Variants in POU2F1 observed in about 807,000 individuals in gnomAD.
POU2F1 encodes POU class 2 homeobox 1.
In POU2F1, 16 loss-of-function variants were observed where a neutral mutation model predicts 84.9. The observed-to-expected ratio is 0.19, with a 90% CI of 0.13 to 0.29. The LOEUF is 0.29. POU2F1 is among the 10% of genes least tolerant of loss of function. The pLI is 1.00. For missense variants in POU2F1, 738 were observed against 942.6 expected, an observed-to-expected ratio of 0.78 and a Z score of 2.84; for synonymous variants, 368 against 368.3, an observed-to-expected ratio of 1.00 and a Z score of 0.01.
At chr1:167,344,160 G>A (rs570023408) in intron 2 of POU2F1, among the ~76,000 whole-genome samples, 1 of 152,248 alleles carries the variant, frequency 6.6e-6, no homozygotes, top group Admixed American at 6.5e-5. Context: ...CGTGTAGTTA[G>A]TGACTACCAT....
chr1:167,390,119 A>G (rs577289896), intron 9 of POU2F1, among the ~76,000 whole-genome samples: 3 of 152,358 alleles, frequency 2.0e-5, no homozygotes, highest in East Asian at 1.9e-4. Context: ...CCCGAAACCA[A>G]TCCCCTGTGC....
intron 1 of POU2F1, among the ~76,000 whole-genome samples, chr1:167,222,094 C>T (rs752019206): frequency 6.6e-6 from 1 of 152,126 alleles, no homozygotes; most frequent in South Asian, 2.1e-4. Flanking sequence ...CCTCTCGCTC[C>T]GAGGCCCCAG....
intron 1 of POU2F1, among the ~76,000 whole-genome samples, chr1:167,283,018 G>A (rs764374002): frequency 6.6e-6 from 1 of 152,178 alleles, no homozygotes; most frequent in Non-Finnish European, 1.5e-5. Flanking sequence ...ATTGTGCTTG[G>A]CACATGTTAA....
chr1:167,383,314 G>T (rs1647707317), intron 7 of POU2F1, among the ~76,000 whole-genome samples: 1 of 152,178 alleles, frequency 6.6e-6, no homozygotes, highest in African/African-American at 2.4e-5. Flanking sequence ...TTGAATGTCA[G>T]TTTGTCATCA....
At chr1:167,391,998 A>C (rs1208073069) in intron 9 of POU2F1, among the ~76,000 whole-genome samples, 1 of 152,168 alleles carries the variant, frequency 6.6e-6, no homozygotes, top group Non-Finnish European at 1.5e-5. Context: ...TGAAGAAGCA[A>C]ATTATCCAGA....
chr1:167,252,401 G>A (rs1343492249), intron 1 of POU2F1, among the ~76,000 whole-genome samples: 1 of 152,114 alleles, frequency 6.6e-6, no homozygotes, highest in Non-Finnish European at 1.5e-5. Context: ...TATGTTTGTA[G>A]TTCTTTGTAG....
Position 167,415,939 on chromosome 1 carries a change from G to GATA in POU2F1, c.*130_*131insTAA. 19 of 400,440 alleles carry GATA rather than the reference G, an allele frequency of 4.7e-5. No homozygotes were observed. Among genetic ancestry groups the GATA allele is most frequent in the East Asian group, 2.9e-4 (4 of 13,818 alleles). 24.8% of individuals were successfully genotyped at this position (400,440 alleles called of 1,614,324 possible). ...TGTTGTGAGGGCAAAGGAGAGAAGG[G>GATA]AGAAAAAAAAAAAAAAACCACACAC... On this transcript the variant is annotated 3_prime_UTR_variant, in exon 16 of 16. Coordinates refer to ENST00000367866, the MANE Select transcript of POU2F1 (RefSeq NM_002697.4).
At chr1:167,264,779 G>T (rs1272071275) in intron 1 of POU2F1, among the ~76,000 whole-genome samples, 1 of 151,976 alleles carries the variant, frequency 6.6e-6, no homozygotes. Context: ...CACACCAACA[G>T]CCTATTCTAG....
intron 8 of POU2F1, among the ~76,000 whole-genome samples, chr1:167,388,124 C>T (rs1456122337): frequency 6.6e-6 from 1 of 152,164 alleles, no homozygotes; most frequent in East Asian, 1.9e-4. Flanking sequence ...TTGAGGATCT[C>T]TCTAAGGATA....
intron 7 of POU2F1, among the ~76,000 whole-genome samples, chr1:167,378,719 G>C (rs992158383): frequency 6.6e-6 from 1 of 151,514 alleles, no homozygotes; most frequent in African/African-American, 2.4e-5. Flanking sequence ...TTGTTTTTTT[G>C]TGTTTTTTTG....
At chr1:167,332,592 GT>G (rs2101729964) in intron 2 of POU2F1, 57 bp downstream of exon 2, 2 of 1,413,824 alleles carry the variant, frequency 1.4e-6, no homozygotes, top group East Asian at 2.3e-5. Context: ...AAAGAAGAAA[GT>G]TTCCATGTAA....
Position 167,420,729 on chromosome 1 carries a change from T to C in POU2F1, c.*4919T>C, listed in dbSNP as rs1650597465. On this transcript the variant is annotated 3_prime_UTR_variant, in exon 16 of 16. Coordinates refer to ENST00000367866, the MANE Select transcript of POU2F1 (RefSeq NM_002697.4). Reference sequence around the variant, plus strand: ...ATTGCTGACTCACTGTATCACTGAGTGTAGGGTGTGGTAGCAAGGAGGAGG... The same window carrying C: ...ATTGCTGACTCACTGTATCACTGAGCGTAGGGTGTGGTAGCAAGGAGGAGG... The C allele has an allele frequency of 1.3e-5, 2 of 151,840 alleles. No homozygotes were observed. The highest frequency in any genetic ancestry group is 2.9e-5 in the Non-Finnish European group (2 of 67,976). The allele number at this position is 151,840 out of a possible 1,614,324, so 9.4% of individuals were successfully genotyped here. A position where few individuals can be genotyped will look rare whatever the true frequency, so the allele number is the denominator to read the frequency against.
Position 167,418,909 on chromosome 1 carries a change from TA to T in POU2F1, c.*3104del, listed in dbSNP as rs1331677775. The T allele has an allele frequency of 6.6e-6, 1 of 152,162 alleles. No individual in the cohort carries two copies. Among genetic ancestry groups the T allele is most frequent in the African/African-American group, 2.4e-5 (1 of 41,448 alleles). 9.4% of individuals were successfully genotyped at this position (152,162 alleles called of 1,614,324 possible). On this transcript the variant is annotated 3_prime_UTR_variant, in exon 16 of 16. Transcript: ENST00000367866. Reference sequence around the variant, plus strand: ...CTTTAGGAAAAGATAAATCTTTAGATAAAAATAAATTTTTTTCTCTTTTTTT... The same window carrying T: ...CTTTAGGAAAAGATAAATCTTTAGATAAAATAAATTTTTTTCTCTTTTTTT...
intron 2 of POU2F1, among the ~76,000 whole-genome samples, chr1:167,355,729 G>A (rs1373215267): frequency 1.3e-5 from 2 of 151,888 alleles, no homozygotes; most frequent in Non-Finnish European, 1.5e-5. Context: ...TCAAACTCCT[G>A]GCCTTAAGCG....
intron 1 of POU2F1, among the ~76,000 whole-genome samples, chr1:167,240,571 G>A (rs564757405): frequency 1.3e-5 from 2 of 152,268 alleles, no homozygotes; most frequent in South Asian, 4.1e-4. Context: ...ATGATTATGA[G>A]CTTATACTTA....
chr1:167,416,247 TAAAAA>T lies in POU2F1; in HGVS notation c.*445_*449del, dbSNP rs371666497. On this transcript the variant is annotated 3_prime_UTR_variant, in exon 16 of 16. Transcript: ENST00000367866. ...TGTTTGTCTAAATTTCTTTTTTTCT[TAAAAA>T]AAAAAAATCATTTTTATGGGTCTGT... 4.2e-6 allele frequency: 1 copy of T among 235,714 alleles called. No homozygotes were observed. The highest frequency in any genetic ancestry group is 8.4e-6 in the Non-Finnish European group (1 of 119,380). The allele number at this position is 235,714 out of a possible 1,614,324, so 14.6% of individuals were successfully genotyped here. A position where few individuals can be genotyped will look rare whatever the true frequency, so the allele number is the denominator to read the frequency against.
intron 9 of POU2F1, among the ~76,000 whole-genome samples, chr1:167,395,282 G>A (rs1476293255): frequency 1.3e-5 from 2 of 152,158 alleles, no homozygotes; most frequent in African/African-American, 4.8e-5. Context: ...AGGTTACTAA[G>A]TTTCCATTGC....
At chr1:167,243,813 C>G (rs1650099946) in intron 1 of POU2F1, among the ~76,000 whole-genome samples, 1 of 152,162 alleles carries the variant, frequency 6.6e-6, no homozygotes, top group African/African-American at 2.4e-5. Flanking sequence ...GGATTGACAG[C>G]CTTCATTATA....
At chr1:167,287,553 T>C (rs266819) in intron 1 of POU2F1, among the ~76,000 whole-genome samples, 16,284 of 152,240 alleles carry the variant, frequency 0.11, 2,162 homozygotes, top group African/African-American at 0.32. Flanking sequence ...CAAATAGATA[T>C]GTTTTGAAGA....
Sources: gnomAD v4.1 joint callset for allele counts (sites outside exome capture counted in the v4.1 genomes callset) on GRCh38, gnomAD v4.1.1 for gene constraint, MANE v1.5 for transcripts, NCBI Gene and HGNC (gene_info 2026-07-23, HGNC 2026-07-21) for gene names.